Variants in TBX5 observed in about 807,000 individuals in gnomAD.
TBX5 encodes the protein T-box transcription factor 5.
TBX5 carries 8 observed loss-of-function variants against 51.1 expected under a neutral mutation model. The ratio of observed to expected loss-of-function variants is 0.16; its 90% CI spans 0.09 to 0.28. TBX5 has a LOEUF of 0.28. Ranked by LOEUF, TBX5 falls within the 10% of genes least tolerant of loss-of-function variation. TBX5 has a pLI of 1.00. For missense variants in TBX5, 589 were observed against 671.7 expected, an observed-to-expected ratio of 0.88 and a Z score of 1.36; for synonymous variants, 302 against 266.4, an observed-to-expected ratio of 1.13 and a Z score of -1.30.
chr12:114,363,511 T>G (rs1593844266), intron 8 of TBX5, among the ~76,000 whole-genome samples: 1 of 152,342 alleles, frequency 6.6e-6, no homozygotes, highest in Admixed American at 6.5e-5. Context: ...TGGCATTAAT[T>G]TAATCGATTA....
At chr12:114,378,997 G>A (rs1421566400) in intron 7 of TBX5, among the ~76,000 whole-genome samples, 1 of 152,176 alleles carries the variant, frequency 6.6e-6, no homozygotes, top group Non-Finnish European at 1.5e-5. Context: ...TGAACACCCT[G>A]AGTCTGCCAA....
intron 3 of TBX5, 36 bp from the exon 4 acceptor site, chr12:114,399,668 G>A: frequency 6.2e-7 from 1 of 1,613,944 alleles, no homozygotes; most frequent in Non-Finnish European, 8.5e-7. Flanking sequence ...AGGGGGGCGG[G>A]AATTAATGCC....
chr12:114,357,029 T>TGGAA (rs1868963032), intron 8 of TBX5, among the ~76,000 whole-genome samples: 1 of 142,120 alleles, frequency 7.0e-6, no homozygotes, highest in Non-Finnish European at 1.6e-5. Flanking sequence ...GATGGATGGA[T>TGGAA]GCATGGATGC....
chr12:114,404,272 G>A (rs1872048877), intron 1 of TBX5, among the ~76,000 whole-genome samples: 1 of 152,148 alleles, frequency 6.6e-6, no homozygotes, highest in South Asian at 2.1e-4. Context: ...TTCTGGAAGA[G>A]CCAATAAAGA....
intron 6 of TBX5, among the ~76,000 whole-genome samples, chr12:114,389,598 C>A (rs1456865492): frequency 6.8e-6 from 1 of 147,710 alleles, no homozygotes; most frequent in Non-Finnish European, 1.5e-5. Context: ...ACTAAAAATA[C>A]AAAAAATTAG....
chr12:114,403,667 C>G, intron 2 of TBX5, 85 bp downstream of exon 2: 1 of 1,547,586 alleles, frequency 6.5e-7, no homozygotes, highest in Non-Finnish European at 8.7e-7. Context: ...TGTTTTTGTT[C>G]TGTCCCCGCA....
In TBX5 at chr12:114,405,809, G is replaced by C; in HGVS notation, c.-220C>G. On this transcript the variant is annotated 5_prime_UTR_variant, in exon 1 of 9. Transcript: ENST00000405440. Reference sequence around the variant, plus strand: ...TACCGCTGGAGCCTCCGCGGCGACTGCCCACCTCCAACACACACCTCCTCT... The same window carrying C: ...TACCGCTGGAGCCTCCGCGGCGACTCCCCACCTCCAACACACACCTCCTCT... 2.0e-6 allele frequency: 2 copies of C among 985,562 alleles called. No homozygotes were observed. The highest frequency in any genetic ancestry group is 4.7e-5 in the South Asian group (1 of 21,284). The allele number at this position is 985,562 out of a possible 1,614,324, so 61.1% of individuals were successfully genotyped here. A position where few individuals can be genotyped will look rare whatever the true frequency, so the allele number is the denominator to read the frequency against.
At chr12:114,406,559 G>A (rs558789401), upstream of TBX5, among the ~76,000 whole-genome samples, 5 of 152,138 alleles carry the variant, frequency 3.3e-5, no homozygotes, top group South Asian at 1.0e-3. Context: ...CCTGGCCGGC[G>A]CTCGCCTTCC....
intron 7 of TBX5, among the ~76,000 whole-genome samples, chr12:114,383,938 C>G (rs964620073): frequency 6.6e-6 from 1 of 152,132 alleles, no homozygotes; most frequent in Non-Finnish European, 1.5e-5. Context: ...AATGACTAAG[C>G]CACCTTAACG....
upstream of TBX5, chr12:114,408,245 T>G: frequency 1.0e-6 from 1 of 982,018 alleles, no homozygotes; most frequent in Non-Finnish European, 1.2e-6. Flanking sequence ...CGGGAATAAA[T>G]AAAGACATAA....
upstream of TBX5, chr12:114,407,196 T>G: frequency 1.3e-6 from 1 of 796,330 alleles, no homozygotes; most frequent in Non-Finnish European, 1.5e-6. Context: ...CAACCCTGAA[T>G]GTGGGGCAAC....
chr12:114,398,536 G>A (rs536214070), intron 5 of TBX5, 37 bp downstream of exon 5: 4 of 1,605,048 alleles, frequency 2.5e-6, no homozygotes, highest in African/African-American at 2.7e-5. Flanking sequence ...GAGGACAAGA[G>A]GGAGACAAGG....
At chr12:114,395,441 T>A (rs1224643369) in intron 5 of TBX5, among the ~76,000 whole-genome samples, 1 of 151,332 alleles carries the variant, frequency 6.6e-6, no homozygotes, top group Non-Finnish European at 1.5e-5. Context: ...AGGCTTAGGG[T>A]GGGTGATCAG....
upstream of TBX5, chr12:114,408,036 T>C (rs1318848901): frequency 3.0e-6 from 3 of 985,258 alleles, no homozygotes; most frequent in Middle Eastern, 5.2e-4. Context: ...CATACCCCAG[T>C]AAAATAAAGA....
rs751532982 is a variant in TBX5, at chr12:114,403,802, C to A, written c.97G>T (p.Gly33Trp). ...GACGACGGGGACTTGCTGGGGGCCCCGAGCGCGCTCTCGGGTTTCGAATCG... is the reference window on the plus strand; with the variant it reads ...GACGACGGGGACTTGCTGGGGGCCCAGAGCGCGCTCTCGGGTTTCGAATCG... ...PCDSKPESAL[G>W]APSKSPSSPQ... Residue 33 changes from glycine to tryptophan, a missense_variant, in exon 2 of 9, where the codon GGG becomes TGG. This residue lies in a region of TBX5 where 101 missense variants were observed against 83.3 expected (regional missense o/e 1.21). Coordinates refer to ENST00000405440, the MANE Select transcript of TBX5 (RefSeq NM_181486.4). 4 of 1,614,094 alleles carry A rather than the reference C, an allele frequency of 2.5e-6. No individual in the cohort carries two copies. Among genetic ancestry groups the A allele is most frequent in the Non-Finnish European group, 3.4e-6 (4 of 1,180,026 alleles).
At chr12:114,405,219 G>T (rs2136426874) in intron 1 of TBX5, among the ~76,000 whole-genome samples, 1 of 152,294 alleles carries the variant, frequency 6.6e-6, no homozygotes, top group Non-Finnish European at 1.5e-5. Flanking sequence ...AGCTTTCTTC[G>T]CCTCGTTCTC....
intron 5 of TBX5, 44 bp downstream of exon 5, chr12:114,398,529 G>A (rs774376003): frequency 7.5e-6 from 12 of 1,599,502 alleles, no homozygotes; most frequent in Non-Finnish European, 1.0e-5. Context: ...AGGGAGAGAG[G>A]ACAAGAGGGA....
chr12:114,365,759 G>C (rs897972136), intron 8 of TBX5, among the ~76,000 whole-genome samples: 2 of 150,326 alleles, frequency 1.3e-5, no homozygotes, highest in South Asian at 2.1e-4. Context: ...AAGCCCAGGT[G>C]GTTGAGGCTG....
At chr12:114,401,675 C>T in intron 3 of TBX5, 151 bp downstream of exon 3, 2 of 686,050 alleles carry the variant, frequency 2.9e-6, no homozygotes, top group Non-Finnish European at 2.6e-6. Context: ...ATCTTTCGCT[C>T]TCTCTCTCCT....
Sources: allele counts gnomAD v4.1 joint callset (sites outside exome capture counted in the v4.1 genomes callset), GRCh38; gene constraint gnomAD v4.1.1; regional missense constraint gnomAD v4.1.1; transcripts MANE v1.5; gene names NCBI Gene and HGNC (gene_info 2026-07-23, HGNC 2026-07-21).